Variants in ATP2A3 observed in about 807,000 individuals in gnomAD.
The protein encoded by ATP2A3 is sarcoplasmic/endoplasmic reticulum calcium ATPase 3.
Under a neutral mutation model 106.8 loss-of-function variants are expected in ATP2A3, and 61 were observed. The ratio of observed to expected loss-of-function variants is 0.57; its 90% CI spans 0.46 to 0.71. ATP2A3 has a LOEUF of 0.71. ATP2A3 is among the 30% of genes least tolerant of loss of function. ATP2A3 has a pLI of 0.00. For synonymous variants in ATP2A3, 611 were observed against 609.3 expected (o/e 1.00, Z -0.04); for missense variants, 1,201 against 1,423.5 (o/e 0.84, Z 2.52).
rs1395606040 is a variant in ATP2A3, at chr17:3,925,250, G to A, written c.*172C>T. The stretch of plus-strand genomic sequence containing the variant: ...CAGGCCAGAAGGAAGTGGGGACAGA[G>A]ACCCCAGGACGGGGCCCGGGGATGG... On this transcript the variant is annotated 3_prime_UTR_variant, in exon 21 of 21. Coordinates refer to ENST00000397041, the MANE Select transcript of ATP2A3 (RefSeq NM_005173.4). This position sits in a 1 kb window ranked among gnomAD's most constrained non-coding sequence, Gnocchi z 4.2. The A allele has an allele frequency of 4.9e-6, 5 of 1,012,228 alleles. No homozygotes were observed. In the East Asian group the frequency reaches 1.0e-4, roughly 21 times the overall value. The allele number at this position is 1,012,228 out of a possible 1,614,324, so 62.7% of individuals were successfully genotyped here. A position where few individuals can be genotyped will look rare whatever the true frequency, so the allele number is the denominator to read the frequency against.
At chr17:3,935,057 T>C (rs1267125180) in intron 17 of ATP2A3, 135 bp downstream of exon 17, 1 of 950,998 alleles carries the variant, frequency 1.1e-6, no homozygotes, top group South Asian at 1.4e-5. Context: ...GCTCCCCAGG[T>C]GGGGATGTTT....
At chr17:3,954,645 C>T (rs1422556631) in intron 1 of ATP2A3, among the ~76,000 whole-genome samples, 3 of 152,024 alleles carry the variant, frequency 2.0e-5, no homozygotes, top group African/African-American at 2.4e-5. Context: ...TACAGGCACG[C>T]GGCACCACGC....
At position 3,950,766 on chromosome 17, in the gene ATP2A3, GT is replaced by G. The variant is rs753949957; in HGVS notation, c.470del (p.Asp157AlafsTer24). 1.2e-6 allele frequency: 2 copies of G among 1,613,140 alleles called. No homozygotes were observed. The highest frequency in any genetic ancestry group is 1.7e-6 in the Non-Finnish European group (2 of 1,179,920). ...TGAGGCGGAGGTCAGCAGGCACTTTGTCCCCCACTGTGCGGGGAGAATGGCT... is the reference window on the plus strand; with the variant it reads ...TGAGGCGGAGGTCAGCAGGCACTTTGCCCCCACTGTGCGGGGAGAATGGCT... ...PGDIVEVAVG[D>X]KVPADLRLIE... On this transcript the variant is annotated frameshift_variant, in exon 6 of 21. Coordinates refer to ENST00000397041, the MANE Select transcript of ATP2A3 (RefSeq NM_005173.4). LOFTEE classifies it high-confidence loss of function.
chr17:3,951,553 G>GGGCCCCCCC (rs2144650825), intron 4 of ATP2A3, 28 bp downstream of exon 4: 19 of 647,322 alleles, frequency 2.9e-5, no homozygotes, highest in Non-Finnish European at 3.2e-5. Flanking sequence ...ACCGCCCCCC[G>GGGCCCCCCC]CCCGGTCCCA....
At chr17:3,962,053 C>T (rs2055169425) in intron 1 of ATP2A3, among the ~76,000 whole-genome samples, 1 of 152,208 alleles carries the variant, frequency 6.6e-6, no homozygotes, top group Non-Finnish European at 1.5e-5. Flanking sequence ...CTGGAATGCC[C>T]CCAGCCCCAA....
chr17:3,931,945 C>T (rs538486217), intron 17 of ATP2A3, among the ~76,000 whole-genome samples: 2 of 152,322 alleles, frequency 1.3e-5, no homozygotes, highest in Non-Finnish European at 1.5e-5. Context: ...TTTTCCCACA[C>T]TGCACAAATG....
In ATP2A3 at chr17:3,964,181, G is replaced by A. The variant is rs1408563517; in HGVS notation, c.111C>T (p.Gly37=). The change falls in exon 1 of 21, where the codon GGC becomes GGT. Residue 37 remains glycine (G), a synonymous_variant. Coordinates refer to ENST00000397041, the MANE Select transcript of ATP2A3 (RefSeq NM_005173.4). The stretch of plus-strand genomic sequence containing the variant: ...CCCGGCCCGCGCGCTCACCGTTGGG[G>A]CCGTAGCGCTCCCGCGCGCCGGTCA... ...AQVTGARERY[G]PNELPSEEGK... 2 of 1,230,238 alleles carry A rather than the reference G, an allele frequency of 1.6e-6. No individual in the cohort carries two copies. Among genetic ancestry groups the A allele is most frequent in the Non-Finnish European group, 2.0e-6 (2 of 976,284 alleles). 76.2% of individuals were successfully genotyped at this position (1,230,238 alleles called of 1,614,324 possible). A position where few individuals can be genotyped will look rare whatever the true frequency, so the allele number is the denominator to read the frequency against.
chr17:3,945,095 G>A lies in ATP2A3; in HGVS notation c.1149C>T (p.Thr383=), dbSNP rs778146770. 17 of 1,548,020 alleles carry A rather than the reference G, an allele frequency of 1.1e-5. No homozygotes were observed. The highest frequency in any genetic ancestry group is 4.8e-5 in the South Asian group (4 of 84,004). The stretch of plus-strand genomic sequence containing the variant: ...CGGGGGTATACGTGGTACCCGAGAT[G>A]GTGAACTCGTGCAAAAGGCAGGAGC... ...DAGSCLLHEF[T]ISGTTYTPEG... The change falls in exon 9 of 21, where the codon ACC becomes ACT. Residue 383 remains threonine, a synonymous_variant. Transcript: ENST00000397041.
Position 3,926,925 on chromosome 17 carries a change from T to C in ATP2A3, c.2981-1484A>G. 1 of 985,448 alleles carries C rather than the reference T, an allele frequency of 1.0e-6. No individual in the cohort carries two copies. Among genetic ancestry groups the C allele is most frequent in the Non-Finnish European group, 1.2e-6 (1 of 829,926 alleles). 61.0% of individuals were successfully genotyped at this position (985,448 alleles called of 1,614,324 possible). On this transcript the variant is annotated intron_variant, in intron 20 of 20. Coordinates refer to ENST00000397041, the MANE Select transcript of ATP2A3 (RefSeq NM_005173.4). The surrounding 1 kb of genome is among the most constrained non-coding windows in gnomAD (Gnocchi z 4.6). The stretch of plus-strand genomic sequence containing the variant: ...ATGGTTGACACAGTCCGCACCGTGC[T>C]TACACTCCTCCCGTGCTTCCCCACT...
At chr17:3,951,548 C>CT in intron 4 of ATP2A3, 33 bp downstream of exon 4, 1 of 1,334,784 alleles carries the variant, frequency 7.5e-7, no homozygotes. Context: ...GGGAGACCGC[C>CT]CCCCGCCCGG....
chr17:3,940,043 G>GTTTTTTTTTTTTTTTTTTTTTTTTT (rs1294599615), intron 14 of ATP2A3, among the ~76,000 whole-genome samples: 1 of 87,618 alleles, frequency 1.1e-5, no homozygotes, highest in African/African-American at 5.7e-5. Context: ...TTTTTTTTTT[G>GTTTTTTTTTTTTTTTTTTTTTTTTT]TTTTTTGTTT....
In ATP2A3 at chr17:3,928,398, G is replaced by A. The variant is rs987522398; in HGVS notation, c.2980+265C>T. ...TGCCCTGGCCATGTAGGGGGTGGCA[G>A]GTGAAGACAGTGAGGCAGTGTGGCC... On this transcript the variant is annotated intron_variant, in intron 20 of 20. Transcript: ENST00000397041. This position sits in a 1 kb window ranked among gnomAD's most constrained non-coding sequence, Gnocchi z 6.1. The A allele has an allele frequency of 7.7e-6, 11 of 1,437,670 alleles. No homozygotes were observed. In the African/African-American group the frequency reaches 1.1e-4, roughly 15 times the overall value. 89.1% of individuals were successfully genotyped at this position (1,437,670 alleles called of 1,614,324 possible).
intron 13 of ATP2A3, 32 bp downstream of exon 13, chr17:3,941,404 G>A (rs746581884): frequency 3.1e-5 from 50 of 1,612,498 alleles, no homozygotes; most frequent in Non-Finnish European, 2.6e-5. Flanking sequence ...CACCCACCTC[G>A]TACTGCAGGG....
rs769613005 is a variant in ATP2A3 at position 3,951,313 on chromosome 17, C to T, written c.401G>A (p.Arg134His). ...PEMGKVIRSD[R>H]KGVQRIRARD... ...GGCACGGATCCTCTGCACGCCCTTGCGGTCCGAGCGGATCACCTTGCCCAT... is the reference window on the plus strand; with the variant it reads ...GGCACGGATCCTCTGCACGCCCTTGTGGTCCGAGCGGATCACCTTGCCCAT... Residue 134 changes from arginine (R) to histidine (H), a missense_variant, in exon 5 of 21, where the codon CGC (arginine) becomes CAC (histidine). Physicochemically the swap from Arg to His is conservative, Grantham distance 29. This residue lies in a region of ATP2A3 where 266 missense variants were observed against 246.8 expected (regional missense o/e 1.08). Transcript: ENST00000397041. 11 of 1,613,780 alleles carry T rather than the reference C, an allele frequency of 6.8e-6. No individual in the cohort carries two copies. The highest frequency in any genetic ancestry group is 6.7e-5 in the Admixed American group (4 of 60,008).
intron 14 of ATP2A3, among the ~76,000 whole-genome samples, chr17:3,938,744 C>CT (rs1297103906): frequency 9.9e-5 from 15 of 152,196 alleles, no homozygotes; most frequent in Admixed American, 9.8e-4. Context: ...ACCATGTTGA[C>CT]TAGGCTGGTC....
chr17:3,950,544 A>G lies in ATP2A3; in HGVS notation c.597T>C (p.Ala199=), dbSNP rs2054354981. 1.2e-6 allele frequency: 2 copies of G among 1,614,042 alleles called. No individual in the cohort carries two copies. The highest frequency in any genetic ancestry group is 1.7e-6 in the Non-Finnish European group (2 of 1,180,036). The stretch of plus-strand genomic sequence containing the variant: ...GCATGTTCTTCTTGTCCTGGTTCAC[A>G]GCTCTGGGGTCTGGGATGGCCTCTG... ...KHTEAIPDPR[A]VNQDKKNMLF... is the part of the protein sequence containing the mutation. The change falls in exon 7 of 21, where the codon GCT becomes GCC. Residue 199 remains alanine, a synonymous_variant. Coordinates refer to ENST00000397041, the MANE Select transcript of ATP2A3 (RefSeq NM_005173.4).
At chr17:3,960,632 T>C (rs2144778768) in intron 1 of ATP2A3, among the ~76,000 whole-genome samples, 2 of 152,314 alleles carry the variant, frequency 1.3e-5, no homozygotes, top group South Asian at 4.1e-4. Flanking sequence ...CCTTAACATA[T>C]GAAAAGACAC....
intron 11 of ATP2A3, 147 bp from the exon 12 acceptor site, chr17:3,942,878 T>G (rs2053864422): frequency 8.0e-7 from 1 of 1,255,584 alleles, no homozygotes; most frequent in African/African-American, 1.5e-5. Flanking sequence ...AAGGCCTCCA[T>G]TTCCCTCTCC....
intron 14 of ATP2A3, among the ~76,000 whole-genome samples, chr17:3,940,700 G>A (rs1386289440): frequency 1.3e-5 from 2 of 152,196 alleles, no homozygotes; most frequent in East Asian, 1.9e-4. Flanking sequence ...TAGAGACGGG[G>A]TTTCCTCATA....
Sources: allele counts gnomAD v4.1 joint callset (sites outside exome capture counted in the v4.1 genomes callset), GRCh38; gene constraint gnomAD v4.1.1; regional missense constraint gnomAD v4.1.1; non-coding constraint Gnocchi (gnomAD v3.1); transcripts MANE v1.5; gene names NCBI Gene and HGNC (gene_info 2026-07-23, HGNC 2026-07-21).